The following TBX19 variants were observed in gnomAD, a reference collection of about 807,000 sequenced individuals.
TBX19 encodes T-box transcription factor TBX19.
A neutral mutation model predicts 40.9 loss-of-function variants in TBX19; 33 were observed. The ratio of observed to expected loss-of-function variants is 0.81; its 90% confidence interval spans 0.61 to 1.08. The LOEUF (loss-of-function observed/expected upper bound fraction) is 1.08. TBX19 is among the 50% of genes least tolerant of loss of function. The pLI, the probability that TBX19 is intolerant of heterozygous loss-of-function variation, is 0.00. For synonymous variants in TBX19, 220 were observed against 225.0 expected (o/e 0.98, Z 0.20); for missense variants, 494 against 574.0 (o/e 0.86, Z 1.42).
chr1:168,293,320 T>TGTGTG, intron 3 of TBX19, 42 bp downstream of exon 3: 1 of 1,561,322 alleles, frequency 6.4e-7, no homozygotes, highest in Non-Finnish European at 8.7e-7. Flanking sequence ...TGTGTGTGTG[T>TGTGTG]GTGTGTAACT....
At chr1:168,283,443 T>C (rs1388962919) in intron 1 of TBX19, among the ~76,000 whole-genome samples, 1 of 152,242 alleles carries the variant, frequency 6.6e-6, no homozygotes, top group Non-Finnish European at 1.5e-5. Context: ...ATTGATGTAC[T>C]TAATAATGAA....
At chr1:168,298,900 TC>T (rs1649198378) in intron 4 of TBX19, among the ~76,000 whole-genome samples, 3 of 111,900 alleles carry the variant, frequency 2.7e-5, no homozygotes, top group South Asian at 7.4e-4. Flanking sequence ...TCTTTCTTTC[TC>T]TCTCTCTCTC....
At chr1:168,291,085 A>T in intron 1 of TBX19, 75 bp from the exon 2 acceptor site, 1 of 1,605,842 alleles carries the variant, frequency 6.2e-7, no homozygotes. Context: ...AGGTCTCAGT[A>T]TTGAGAGGCC....
At chr1:168,303,623 G>A (rs533654581) in intron 5 of TBX19, among the ~76,000 whole-genome samples, 3 of 152,284 alleles carry the variant, frequency 2.0e-5, no homozygotes, top group Non-Finnish European at 4.4e-5. Context: ...TAAAAGAATG[G>A]CTACTTCATA....
chr1:168,304,827 T>A (rs1053471967), intron 5 of TBX19, among the ~76,000 whole-genome samples, 181 bp from the exon 6 acceptor site: 3 of 152,230 alleles, frequency 2.0e-5, no homozygotes, highest in Non-Finnish European at 1.5e-5. Flanking sequence ...CCAAGTTAGC[T>A]GCTCATGGGC....
intron 7 of TBX19, among the ~76,000 whole-genome samples, chr1:168,312,175 C>T (rs1411648094): frequency 6.6e-6 from 1 of 152,188 alleles, no homozygotes; most frequent in Non-Finnish European, 1.5e-5. Context: ...TTGTAGCAAT[C>T]TCTGTAAGGT....
At chr1:168,306,579 T>C (rs913929933) in intron 6 of TBX19, among the ~76,000 whole-genome samples, 8 of 147,950 alleles carry the variant, frequency 5.4e-5, no homozygotes, top group African/African-American at 1.0e-4. Flanking sequence ...TGAGCCAAGA[T>C]TGTGCCACTG....
chr1:168,297,057 A>G (rs1649127998), intron 3 of TBX19, among the ~76,000 whole-genome samples: 1 of 152,174 alleles, frequency 6.6e-6, no homozygotes, highest in Non-Finnish European at 1.5e-5. Context: ...TGAAAAATAA[A>G]TATTTCTTTG....
intron 3 of TBX19, among the ~76,000 whole-genome samples, chr1:168,297,197 G>T (rs561408886): frequency 1.4e-4 from 22 of 152,290 alleles, no homozygotes; most frequent in African/African-American, 4.8e-4. Context: ...GTGATAGTTT[G>T]CTTTTTGCAT....
chr1:168,294,799 G>A (rs763736773), intron 3 of TBX19, among the ~76,000 whole-genome samples: 22 of 152,108 alleles, frequency 1.4e-4, no homozygotes, highest in Non-Finnish European at 2.5e-4. Flanking sequence ...ACCGTGCCCG[G>A]CCCTTTATTT....
chr1:168,311,365 C>T (rs17502484), intron 7 of TBX19, among the ~76,000 whole-genome samples: 44,102 of 152,066 alleles, frequency 0.29, 6,909 homozygotes, highest in Non-Finnish European at 0.36. Flanking sequence ...CAGTACCTCT[C>T]AGAGCCCATG....
intron 5 of TBX19, among the ~76,000 whole-genome samples, chr1:168,302,165 G>A (rs1649291244): frequency 6.6e-6 from 1 of 152,176 alleles, no homozygotes; most frequent in Non-Finnish European, 1.5e-5. Context: ...GCAAAGTCTG[G>A]TTCTGAGGGG....
chr1:168,291,057 C>T lies in TBX19; in HGVS notation c.204-103C>T, dbSNP rs1438108871. 7.2e-5 allele frequency: 110 copies of T among 1,526,470 alleles called. No individual in the cohort carries two copies. The East Asian group carries it at 2.4e-3, about 34-fold the overall frequency. 94.6% of individuals were successfully genotyped at this position (1,526,470 alleles called of 1,614,324 possible). A position where few individuals can be genotyped will look rare whatever the true frequency, so the allele number is the denominator to read the frequency against. On this transcript the variant is annotated intron_variant, in intron 1 of 7. Transcript: ENST00000367821. Reference sequence around the variant, plus strand: ...TTGGGCCCTGTTTATTTGGCCTCCTCACAGGGCATTCCGTGGAAGGTCTCA... The same window carrying T: ...TTGGGCCCTGTTTATTTGGCCTCCTTACAGGGCATTCCGTGGAAGGTCTCA...
intron 6 of TBX19, 29 bp from the exon 7 acceptor site, chr1:168,308,713 A>G (rs574124536): frequency 3.7e-6 from 6 of 1,614,118 alleles, no homozygotes; most frequent in South Asian, 2.2e-5. Flanking sequence ...TACATTTGCT[A>G]TCAATTCAAC....
Position 168,292,370 on chromosome 1 carries a change from T to C in TBX19, c.469-774T>C, listed in dbSNP as rs76041877. On this transcript the variant is annotated intron_variant, in intron 2 of 7. Transcript: ENST00000367821. The stretch of plus-strand genomic sequence containing the variant: ...CCTTTCATTTGACTCAGAGAGAGTG[T>C]AGCCATCAGATGCCAGATTTTGCCA... Among the ~76,000 whole-genome samples, 89 of 152,342 alleles carry C rather than the reference T, an allele frequency of 5.8e-4. 1 individual carries two copies. In the East Asian group the frequency reaches 0.013, roughly 23 times the overall value.
chr1:168,298,056 T>C (rs571253265), intron 4 of TBX19, among the ~76,000 whole-genome samples: 27 of 151,264 alleles, frequency 1.8e-4, no homozygotes, highest in East Asian at 5.8e-4. Context: ...ATTAGCCGGG[T>C]GTGGTGGCGG....
rs2102349258 is a variant in TBX19, at chr1:168,282,222, T to C, written c.203+929T>C. The stretch of plus-strand genomic sequence containing the variant: ...TCTAATTATGACACCCTCGAGAGAA[T>C]TCTGATAAAAGAGAAGAGCCGAGGC... On this transcript the variant is annotated intron_variant, in intron 1 of 7. Transcript: ENST00000367821. Among the ~76,000 whole-genome samples, 3 of 152,304 alleles carry C rather than the reference T, an allele frequency of 2.0e-5. No homozygotes were observed. In the South Asian group the frequency reaches 6.2e-4, roughly 32 times the overall value.
intron 6 of TBX19, among the ~76,000 whole-genome samples, chr1:168,307,574 A>G (rs1279981763): frequency 6.6e-6 from 1 of 152,142 alleles, no homozygotes; most frequent in African/African-American, 2.4e-5. Flanking sequence ...TGGGGGACAC[A>G]TTCAAACCAT....
At chr1:168,289,097 TG>T (rs1648874862) in intron 1 of TBX19, among the ~76,000 whole-genome samples, 2 of 152,340 alleles carry the variant, frequency 1.3e-5, no homozygotes, top group Admixed American at 6.5e-5. Flanking sequence ...GAAGAAACAC[TG>T]GACCAGAACA....
Sources: gnomAD v4.1 joint callset for allele counts (sites outside exome capture counted in the v4.1 genomes callset) on GRCh38, gnomAD v4.1.1 for gene constraint, MANE v1.5 for transcripts, NCBI Gene and HGNC (gene_info 2026-07-23, HGNC 2026-07-21) for gene names.